FRS2: variants seen among roughly 807,000 people sequenced by gnomAD.
FRS2 encodes FGFR signalling adaptor.
FRS2 carries 8 observed loss-of-function variants against 43.9 expected under a neutral mutation model. The ratio of observed to expected loss-of-function variants is 0.18; its 90% CI spans 0.11 to 0.33. FRS2 has a LOEUF of 0.33. Ranked by LOEUF, FRS2 falls within the 10% of genes least tolerant of loss-of-function variation. The pLI is 1.00. For missense variants in FRS2, 534 were observed against 627.6 expected (o/e 0.85, Z 1.59); for synonymous variants, 219 against 220.3 (o/e 0.99, Z 0.05).
chr12:69,473,469 A>G (rs191625461), intron 1 of FRS2, among the ~76,000 whole-genome samples: 21 of 152,282 alleles, frequency 1.4e-4, no homozygotes, highest in Admixed American at 6.5e-4. Context: ...GAGGTGGGAA[A>G]GTTCATTGTG....
intron 3 of FRS2, among the ~76,000 whole-genome samples, chr12:69,536,514 T>G (rs190350613): frequency 6.6e-6 from 1 of 152,270 alleles, no homozygotes; most frequent in African/African-American, 2.4e-5. Context: ...AATGACAATC[T>G]TTATTTTTTA....
intron 8 of FRS2, among the ~76,000 whole-genome samples, chr12:69,572,716 G>A (rs567833395): frequency 2.6e-5 from 4 of 152,294 alleles, no homozygotes; most frequent in African/African-American, 9.6e-5. Flanking sequence ...TGAAGTATCT[G>A]GTTGGAACCT....
At chr12:69,526,922 A>ACCATGTTAT (rs1876296276) in intron 1 of FRS2, among the ~76,000 whole-genome samples, 1 of 152,096 alleles carries the variant, frequency 6.6e-6, no homozygotes, top group Non-Finnish European at 1.5e-5. Flanking sequence ...ACAGGGTTTC[A>ACCATGTTAT]CCATGTTATC....
intron 1 of FRS2, among the ~76,000 whole-genome samples, chr12:69,512,455 C>T (rs1874550931): frequency 6.6e-6 from 1 of 151,936 alleles, no homozygotes; most frequent in African/African-American, 2.4e-5. Context: ...CCTTTTATTC[C>T]CTTGAGTAGA....
In FRS2 at chr12:69,577,722, A is replaced by G. The variant is rs1485958150; in HGVS notation, c.*2767A>G. Reference sequence around the variant, plus strand: ...TTATTTCCCAGTTTCATCTTCTTCTAAAAATGAAAATATGGTGCCTTCCCT... The same window carrying G: ...TTATTTCCCAGTTTCATCTTCTTCTGAAAATGAAAATATGGTGCCTTCCCT... On this transcript the variant is annotated 3_prime_UTR_variant, in exon 9 of 9. Coordinates refer to ENST00000549921, the MANE Select transcript of FRS2 (RefSeq NM_001278356.2). 1 of 152,568 alleles carries G rather than the reference A, an allele frequency of 6.6e-6. No homozygotes were observed. Among genetic ancestry groups the G allele is most frequent in the African/African-American group, 2.4e-5 (1 of 41,428 alleles). The allele number at this position is 152,568 out of a possible 1,614,324, so 9.5% of individuals were successfully genotyped here.
intron 1 of FRS2, among the ~76,000 whole-genome samples, chr12:69,503,848 A>C (rs562174438): frequency 6.6e-6 from 1 of 152,344 alleles, no homozygotes; most frequent in African/African-American, 2.4e-5. Context: ...AAATGAGAAC[A>C]ACACCAGTGC....
At chr12:69,557,619 TGCGCGCGC>T (rs529133007) in intron 3 of FRS2, among the ~76,000 whole-genome samples, 33 of 119,022 alleles carry the variant, frequency 2.8e-4, no homozygotes, top group African/African-American at 6.0e-4. Context: ...TGTGTGTGTG[TGCGCGCGC>T]GCGCGCGCGC....
At chr12:69,544,930 A>C (rs1878240120) in intron 3 of FRS2, among the ~76,000 whole-genome samples, 1 of 152,178 alleles carries the variant, frequency 6.6e-6, no homozygotes, top group African/African-American at 2.4e-5. Flanking sequence ...AAAGGCATCC[A>C]AATTGGAAAG....
At chr12:69,569,769 T>C (rs915587675) in intron 5 of FRS2, among the ~76,000 whole-genome samples, 3 of 152,240 alleles carry the variant, frequency 2.0e-5, no homozygotes, top group Non-Finnish European at 4.4e-5. Context: ...CCCAGGGGAA[T>C]AGTAACTTCT....
chr12:69,470,460 G>GCGCGGGTCGGAGTCTGGGGGTTCGCGCC lies in FRS2; in HGVS notation c.-327_-300dup. On this transcript the variant is annotated 5_prime_UTR_variant, in exon 1 of 9. Transcript: ENST00000549921. ...CGATCTGCTCCAAGTAGGGGCTCCA[G>GCGCGGGTCGGAGTCTGGGGGTTCGCGCC]CGCGGGTCGGAGTCTGGGGGTTCGC... The GCGCGGGTCGGAGTCTGGGGGTTCGCGCC allele has an allele frequency of 2.5e-6, 1 of 398,622 alleles. No individual in the cohort carries two copies. Among genetic ancestry groups the GCGCGGGTCGGAGTCTGGGGGTTCGCGCC allele is most frequent in the Non-Finnish European group, 4.4e-6 (1 of 226,070 alleles). The allele number at this position is 398,622 out of a possible 1,614,324, so 24.7% of individuals were successfully genotyped here.
At chr12:69,485,134 C>CACACACACACACACACACACACACAG (rs1194988609) in intron 1 of FRS2, among the ~76,000 whole-genome samples, 1 of 134,272 alleles carries the variant, frequency 7.4e-6, no homozygotes. Context: ...CACACACACA[C>CACACACACACACACACACACACACAG]ACTCTCACCC....
At chr12:69,500,995 C>T (rs1873388828) in intron 1 of FRS2, among the ~76,000 whole-genome samples, 1 of 152,052 alleles carries the variant, frequency 6.6e-6, no homozygotes, top group African/African-American at 2.4e-5. Flanking sequence ...TTCTACTTTT[C>T]TGTGGATTAT....
At position 69,557,637 on chromosome 12, in the gene FRS2, CA is replaced by C. The variant is rs879796547; in HGVS notation, c.-121-4542del. Among the ~76,000 whole-genome samples the C allele has an allele frequency of 9.1e-3, 1,301 of 142,514 alleles. 6 individuals are homozygous for C. The highest frequency in any genetic ancestry group is 0.018 in the South Asian group (81 of 4,556). The allele number at this position is 142,514 out of a possible 152,430, so 93.5% of individuals were successfully genotyped here. A position where few individuals can be genotyped will look rare whatever the true frequency, so the allele number is the denominator to read the frequency against. Reference sequence around the variant, plus strand: ...GTGTGTGTGCGCGCGCGCGCGCGCGCAGGTGCATGCACGCTAGGATTGTTGC... The same window carrying C: ...GTGTGTGTGCGCGCGCGCGCGCGCGCGGTGCATGCACGCTAGGATTGTTGC... On this transcript the variant is annotated intron_variant, in intron 3 of 8. Coordinates refer to ENST00000549921, the MANE Select transcript of FRS2 (RefSeq NM_001278356.2).
rs139834534 is a variant in FRS2 at position 69,546,765 on chromosome 12, T to C, written c.-122+14709T>C. 1.6e-3 allele frequency among the ~76,000 whole-genome samples: 247 copies of C among 152,298 alleles called. No homozygotes were observed. The Middle Eastern group carries it at 0.017, about 10-fold the overall frequency. ...GGACGTGGAAAAATTGGAAACCTTA[T>C]GCACTGTCGGTGAGAATATAAAATG... On this transcript the variant is annotated intron_variant, in intron 3 of 8. Transcript: ENST00000549921.
At chr12:69,512,359 A>G (rs1295653750) in intron 1 of FRS2, among the ~76,000 whole-genome samples, 1 of 152,350 alleles carries the variant, frequency 6.6e-6, no homozygotes, top group Middle Eastern at 3.4e-3. Flanking sequence ...TAGGCTTCTC[A>G]TAAAACACAA....
chr12:69,556,014 G>C (rs959440693), intron 3 of FRS2, among the ~76,000 whole-genome samples: 5 of 151,260 alleles, frequency 3.3e-5, no homozygotes, highest in African/African-American at 7.3e-5. Flanking sequence ...GTGGCGGGGG[G>C]GGGGGCGGTG....
intron 3 of FRS2, among the ~76,000 whole-genome samples, chr12:69,540,292 A>G (rs1415835356): frequency 6.6e-6 from 1 of 151,732 alleles, no homozygotes; most frequent in African/African-American, 2.4e-5. Context: ...AAAAAATAAA[A>G]ATAACAAAAT....
chr12:69,553,855 A>G (rs1321028297), intron 3 of FRS2, among the ~76,000 whole-genome samples: 1 of 152,216 alleles, frequency 6.6e-6, no homozygotes, highest in Non-Finnish European at 1.5e-5. Context: ...GTTGCATACC[A>G]GGTGTCCAGC....
At chr12:69,564,723 TTTTC>T (rs1421303237) in intron 4 of FRS2, among the ~76,000 whole-genome samples, 2 of 152,208 alleles carry the variant, frequency 1.3e-5, no homozygotes, top group Non-Finnish European at 2.9e-5. Context: ...CTCAAACTGA[TTTTC>T]TTTCCTCTGA....
Sources: gnomAD v4.1 joint callset for allele counts (sites outside exome capture counted in the v4.1 genomes callset) on GRCh38, gnomAD v4.1.1 for gene constraint, MANE v1.5 for transcripts, NCBI Gene and HGNC (gene_info 2026-07-23, HGNC 2026-07-21) for gene names.